DNAH9: variants seen among roughly 807,000 people sequenced by gnomAD.
The protein encoded by DNAH9 is DNAH9 variant protein.
Under a neutral mutation model 471.6 loss-of-function variants are expected in DNAH9, and 345 were observed. The observed-to-expected ratio is 0.73, with a 90% CI of 0.67 to 0.80. The LOEUF (loss-of-function observed/expected upper bound fraction) is 0.80. Ranked by LOEUF, DNAH9 falls within the 30% of genes least tolerant of loss-of-function variation. The pLI is 0.00. For synonymous variants in DNAH9, 2,093 were observed against 2,123.6 expected, an observed-to-expected ratio of 0.99 and a Z score of 0.40; for missense variants, 5,407 against 5,609.2, an observed-to-expected ratio of 0.96 and a Z score of 1.15.
At chr17:11,753,631 A>T (rs1349059750) in intron 33 of DNAH9, among the ~76,000 whole-genome samples, 1 of 152,160 alleles carries the variant, frequency 6.6e-6, no homozygotes, top group African/African-American at 2.4e-5. Flanking sequence ...GCGCCATTGC[A>T]CTCCAGCCTG....
intron 29 of DNAH9, among the ~76,000 whole-genome samples, chr17:11,740,507 C>T (rs572207464): frequency 6.6e-6 from 1 of 152,170 alleles, no homozygotes; most frequent in Non-Finnish European, 1.5e-5. Context: ...AGCGCTCCAC[C>T]CTCATGACCT....
intron 61 of DNAH9, among the ~76,000 whole-genome samples, chr17:11,922,489 A>T (rs1189584001): frequency 6.6e-6 from 1 of 152,156 alleles, no homozygotes; most frequent in African/African-American, 2.4e-5. Flanking sequence ...TCTCTATATT[A>T]GGGTCATTTC....
intron 20 of DNAH9, 86 bp downstream of exon 20, chr17:11,690,522 T>G: frequency 7.9e-7 from 1 of 1,262,922 alleles, no homozygotes; most frequent in Non-Finnish European, 1.1e-6. Flanking sequence ...GTCTAGGCTC[T>G]TTCCTTTTCT....
rs754007763 is a variant in DNAH9 at position 11,874,999 on chromosome 17, T to C, written c.10293T>C (p.Asp3431=). The C allele has an allele frequency of 1.9e-5, 31 of 1,614,110 alleles. No homozygotes were observed. Among genetic ancestry groups the C allele is most frequent in the Middle Eastern group, 1.6e-4 (1 of 6,062 alleles). Residue 3431 remains aspartate (D), a synonymous_variant, in exon 53 of 69, where the codon GAT becomes GAC. Coordinates refer to ENST00000262442, the MANE Select transcript of DNAH9 (RefSeq NM_001372.4). ...PALDPLRMLM[D]DADVAAWQNE... ...TGGATCCCCTGAGGATGCTGATGGA[T>C]GATGCTGACGTGGCTGCCTGGCAGA...
intron 38 of DNAH9, among the ~76,000 whole-genome samples, chr17:11,774,383 C>T (rs188956505): frequency 6.6e-6 from 1 of 152,302 alleles, no homozygotes; most frequent in East Asian, 1.9e-4. Context: ...GCTATAAAGA[C>T]ATTCCCGAGA....
At chr17:11,704,580 T>A in intron 25 of DNAH9, 138 bp downstream of exon 25, 5 of 660,878 alleles carry the variant, frequency 7.6e-6, no homozygotes, top group Admixed American at 3.3e-5. Flanking sequence ...TGGCTGCTCC[T>A]ACTTTTTTTT....
intron 38 of DNAH9, among the ~76,000 whole-genome samples, chr17:11,773,977 A>G (rs1479508001): frequency 6.7e-6 from 1 of 149,422 alleles, no homozygotes; most frequent in Non-Finnish European, 1.5e-5. Context: ...CAAAAATACA[A>G]AAAAAAAAAT....
chr17:11,931,669 C>T (rs1322882532), intron 63 of DNAH9, among the ~76,000 whole-genome samples: 5 of 152,148 alleles, frequency 3.3e-5, no homozygotes, highest in Non-Finnish European at 7.4e-5. Context: ...GAGATGGTGC[C>T]ATGGCATGTG....
chr17:11,866,725 C>G (rs1325225634), intron 50 of DNAH9, among the ~76,000 whole-genome samples: 15 of 152,228 alleles, frequency 9.9e-5, no homozygotes, highest in South Asian at 2.1e-4. Context: ...TGGGCAATGG[C>G]GGGCGCCCCT....
chr17:11,774,087 G>A (rs1968326299), intron 38 of DNAH9, among the ~76,000 whole-genome samples: 1 of 152,136 alleles, frequency 6.6e-6, no homozygotes. Context: ...AGTGAGCCAA[G>A]ATCACATCAC....
At position 11,610,283 on chromosome 17, in the gene DNAH9, C is replaced by T. The variant is rs2072606021; in HGVS notation, c.615-113C>T. ...AGAATGCATGGGCTAGATGAAATTTCTCACCTATTTTTTTAAATTTGGGAT... is the reference window on the plus strand; with the variant it reads ...AGAATGCATGGGCTAGATGAAATTTTTCACCTATTTTTTTAAATTTGGGAT... On this transcript the variant is annotated intron_variant, in intron 2 of 68. Coordinates refer to ENST00000262442, the MANE Select transcript of DNAH9 (RefSeq NM_001372.4). 3.7e-6 allele frequency: 3 copies of T among 817,330 alleles called. No individual in the cohort carries two copies. In the Admixed American group the frequency reaches 9.4e-5, roughly 26 times the overall value. The allele number at this position is 817,330 out of a possible 1,614,324, so 50.6% of individuals were successfully genotyped here. A position where few individuals can be genotyped will look rare whatever the true frequency, so the allele number is the denominator to read the frequency against.
intron 39 of DNAH9, among the ~76,000 whole-genome samples, chr17:11,782,141 T>C (rs998419704): frequency 6.6e-6 from 1 of 152,162 alleles, no homozygotes; most frequent in Non-Finnish European, 1.5e-5. Context: ...TTCTCTTCCT[T>C]CCCAAAATCT....
intron 17 of DNAH9, among the ~76,000 whole-genome samples, chr17:11,672,020 T>C (rs901144883): frequency 6.6e-6 from 1 of 152,242 alleles, no homozygotes; most frequent in Non-Finnish European, 1.5e-5. Flanking sequence ...AAGAAGATTT[T>C]ATTGTATTCT....
At chr17:11,628,725 A>G (rs1165682618) in intron 6 of DNAH9, among the ~76,000 whole-genome samples, 1 of 152,220 alleles carries the variant, frequency 6.6e-6, no homozygotes, top group African/African-American at 2.4e-5. Context: ...ACTGGATAAC[A>G]TGATCCATTT....
intron 50 of DNAH9, among the ~76,000 whole-genome samples, chr17:11,864,471 TGTG>T (rs1208584674): frequency 1.3e-5 from 2 of 150,030 alleles, no homozygotes; most frequent in African/African-American, 2.4e-5. Context: ...ATAGGTGTGG[TGTG>T]GTGCTGAAAA....
At chr17:11,728,331 C>T (rs570585504) in intron 28 of DNAH9, among the ~76,000 whole-genome samples, 9 of 152,236 alleles carry the variant, frequency 5.9e-5, no homozygotes, top group East Asian at 1.9e-4. Flanking sequence ...TATTCCACCA[C>T]GCTCAGCTTA....
rs201657301 is a variant in DNAH9, at chr17:11,704,434, G to A, written c.5383G>A (p.Ala1795Thr). The A allele has an allele frequency of 5.8e-5, 94 of 1,612,940 alleles. No individual in the cohort carries two copies. The Admixed American group carries it at 9.3e-4, about 16-fold the overall frequency. Residue 1795 changes from alanine (A) to threonine (T), a missense_variant, in exon 25 of 69, where the codon GCT becomes ACT. By Grantham distance (58) the Ala-to-Thr change is moderately conservative. Transcript: ENST00000262442. ...HARDVVAKMI[A>T]QKVDNAQAFL... ...CCGGGATGTGGTAGCCAAGATGATTGCTCAGAAGGTGGGTCCCAAACATCC... is the reference window on the plus strand; with the variant it reads ...CCGGGATGTGGTAGCCAAGATGATTACTCAGAAGGTGGGTCCCAAACATCC...
chr17:11,878,718 G>A (rs2150992944), intron 53 of DNAH9, among the ~76,000 whole-genome samples: 1 of 152,102 alleles, frequency 6.6e-6, no homozygotes, highest in African/African-American at 2.4e-5. Flanking sequence ...ACCATGCCCT[G>A]CTAATTTTTG....
intron 54 of DNAH9, 123 bp downstream of exon 54, chr17:11,880,323 C>T (rs1972670329): frequency 1.6e-6 from 2 of 1,214,218 alleles, no homozygotes; most frequent in Non-Finnish European, 2.3e-6. Flanking sequence ...TAGCTCCCTG[C>T]AGCACATCCA....
Sources: allele counts gnomAD v4.1 joint callset (sites outside exome capture counted in the v4.1 genomes callset), GRCh38; gene constraint gnomAD v4.1.1; transcripts MANE v1.5; gene names NCBI Gene and HGNC (gene_info 2026-07-23, HGNC 2026-07-21).